The following CHIA variants were observed in gnomAD, a reference collection of about 807,000 sequenced individuals.
CHIA encodes the protein chitinase acidic.
In CHIA, 47 loss-of-function variants were observed where a neutral mutation model predicts 53.5. That is an observed-to-expected ratio of 0.88 (90% CI 0.70 to 1.12). The LOEUF is 1.12. CHIA is among the 50% of genes most tolerant of loss of function. CHIA has a pLI of 0.00. For synonymous variants in CHIA, 268 were observed against 222.2 expected, an observed-to-expected ratio of 1.21 and a Z score of -1.83; for missense variants, 652 against 592.2, an observed-to-expected ratio of 1.10 and a Z score of -1.05.
At chr1:111,298,205 G>A (rs1468799984) in intron 1 of CHIA, among the ~76,000 whole-genome samples, 3 of 152,130 alleles carry the variant, frequency 2.0e-5, no homozygotes, top group East Asian at 3.9e-4. Context: ...GGTTAACAAG[G>A]ATATCCAGGA....
At position 111,318,643 on chromosome 1, in the gene CHIA, T is replaced by C; in HGVS notation, c.880T>C (p.Tyr294His). Residue 294 changes from tyrosine (Y) to histidine (H), a missense_variant, in exon 9 of 12, where the codon TAT becomes CAT. Tyr to His is a moderately conservative substitution (Grantham distance 83). Coordinates refer to ENST00000369740, the MANE Select transcript of CHIA (RefSeq NM_201653.4). ...CTCTGGTGCTGGTCCTGCTGGGCCC[T>C]ATGCCAAGGAGTCTGGGATCTGGGC... is the stretch of plus-strand genomic sequence containing the variant. ...PTSGAGPAGP[Y>H]AKESGIWAYY... 6.2e-7 allele frequency: 1 copy of C among 1,614,156 alleles called. No individual in the cohort carries two copies. Among genetic ancestry groups the C allele is most frequent in the Non-Finnish European group, 8.5e-7 (1 of 1,179,988 alleles).
chr1:111,310,180 T>C (rs1478549074), intron 1 of CHIA, among the ~76,000 whole-genome samples: 1 of 152,200 alleles, frequency 6.6e-6, no homozygotes, highest in Non-Finnish European at 1.5e-5. Context: ...CCCTTGGAAC[T>C]GCCAAAAAAG....
chr1:111,311,217 G>A (rs531052866), intron 2 of CHIA, among the ~76,000 whole-genome samples: 89 of 152,288 alleles, frequency 5.8e-4, no homozygotes, highest in Non-Finnish European at 9.8e-4. Flanking sequence ...TCACCCCATA[G>A]TTCCTAGCTC....
At chr1:111,294,107 A>G (rs1472191003) in intron 1 of CHIA, among the ~76,000 whole-genome samples, 4 of 152,132 alleles carry the variant, frequency 2.6e-5, no homozygotes, top group African/African-American at 9.7e-5. Context: ...CAAAGAAAAC[A>G]TCACTGGGAT....
At chr1:111,313,881 G>A (rs934387232) in intron 4 of CHIA, among the ~76,000 whole-genome samples, 58 of 152,122 alleles carry the variant, frequency 3.8e-4, no homozygotes, top group Admixed American at 1.4e-3. Context: ...TGGCATTATC[G>A]TGAATACAGC....
rs1302631477 is a variant in CHIA at position 111,318,127 on chromosome 1, T to A, written c.729+18T>A. On this transcript the variant is annotated intron_variant, in intron 8 of 11. Transcript: ENST00000369740. ...TCAATGTGGTGAGTCCCTGTACAGA[T>A]GCAAGAGCAGACCAGAGATGATGAT... is the stretch of plus-strand genomic sequence containing the variant. 1.3e-6 allele frequency: 2 copies of A among 1,589,054 alleles called. No homozygotes were observed. The highest frequency in any genetic ancestry group is 2.7e-5 in the African/African-American group (2 of 74,342).
chr1:111,311,237 C>T (rs1157378003), intron 2 of CHIA, among the ~76,000 whole-genome samples: 2 of 152,170 alleles, frequency 1.3e-5, no homozygotes, highest in Non-Finnish European at 2.9e-5. Context: ...CTTCTCTCCT[C>T]ATATAAGGCC....
intron 1 of CHIA, among the ~76,000 whole-genome samples, chr1:111,298,397 T>G (rs1647393427): frequency 6.6e-6 from 1 of 152,204 alleles, no homozygotes; most frequent in Non-Finnish European, 1.5e-5. Context: ...AAACTGTCTC[T>G]AAGACCACAG....
chr1:111,310,066 A>C (rs1198198313), intron 1 of CHIA, among the ~76,000 whole-genome samples: 2 of 152,212 alleles, frequency 1.3e-5, no homozygotes, highest in Admixed American at 1.3e-4. Flanking sequence ...ATAACTTCCA[A>C]AGTTTCTTTT....
chr1:111,318,990 A>G, intron 9 of CHIA, 130 bp from the exon 10 acceptor site: 4 of 1,306,640 alleles, frequency 3.1e-6, no homozygotes, highest in Non-Finnish European at 4.1e-6. Flanking sequence ...CCTCTTTACT[A>G]CAAATAAAAA....
At position 111,291,694 on chromosome 1, in the gene CHIA, G is replaced by A. The variant is rs1331836537; in HGVS notation, c.-69+744G>A. On this transcript the variant is annotated intron_variant, in intron 1 of 11. Transcript: ENST00000369740. ...AAGTAAAATTTTTTTTAAAAAGGGG[G>A]GAAAAATATATAGCAAAATGCAACT... Among the ~76,000 whole-genome samples the A allele has an allele frequency of 3.3e-5, 5 of 151,412 alleles. No homozygotes were observed. In the South Asian group the frequency reaches 1.0e-3, roughly 31 times the overall value.
At chr1:111,291,765 A>T (rs994035847) in intron 1 of CHIA, among the ~76,000 whole-genome samples, 2 of 151,724 alleles carry the variant, frequency 1.3e-5, no homozygotes, top group East Asian at 1.9e-4. Flanking sequence ...TCTATATTTT[A>T]AAAATAATTG....
intron 1 of CHIA, among the ~76,000 whole-genome samples, chr1:111,291,537 C>T (rs974500906): frequency 3.1e-5 from 4 of 129,880 alleles, no homozygotes; most frequent in African/African-American, 6.2e-5. Context: ...GGGGGGAGAG[C>T]ATTAGGACAA....
In CHIA at chr1:111,317,821, T is replaced by C. The variant is rs748001848; in HGVS notation, c.605+16T>C. 1 of 1,613,814 alleles carries C rather than the reference T, an allele frequency of 6.2e-7. No individual in the cohort carries two copies. The highest frequency in any genetic ancestry group is 8.5e-7 in the Non-Finnish European group (1 of 1,179,984). ...AACTGTCACAGTGAGTGATGTGCCT[T>C]ATCTTCAAACTCCTGGAGGTGTCAC... On this transcript the variant is annotated intron_variant, in intron 7 of 11. Coordinates refer to ENST00000369740, the MANE Select transcript of CHIA (RefSeq NM_201653.4).
chr1:111,303,426 T>C (rs951731223), intron 1 of CHIA, among the ~76,000 whole-genome samples: 3 of 152,030 alleles, frequency 2.0e-5, no homozygotes, highest in African/African-American at 7.2e-5. Flanking sequence ...CACACACACA[T>C]ATACATCTAT....
Position 111,317,694 on chromosome 1 carries a change from C to T in CHIA, c.494C>T (p.Ala165Val). The T allele has an allele frequency of 6.2e-7, 1 of 1,614,148 alleles. No homozygotes were observed. ...ATTATTCTGTAGGAAATGCGTGAAG[C>T]TTTTGAGCAGGAGGCCAAGCAGATC... ...FTVLVQEMREAFEQEAKQINK... is the reference protein window; with the variant it reads ...FTVLVQEMREVFEQEAKQINK... Residue 165 changes from alanine (A) to valine (V), a missense_variant, in exon 7 of 12, where the codon GCT becomes GTT. By Grantham distance (64) the Ala-to-Val change is moderately conservative. Transcript: ENST00000369740.
chr1:111,320,496 CCAGT>C lies in CHIA; in HGVS notation c.*32_*35del. 6.3e-7 allele frequency: 1 copy of C among 1,599,156 alleles called. No individual in the cohort carries two copies. Among genetic ancestry groups the C allele is most frequent in the East Asian group, 2.2e-5 (1 of 44,556 alleles). On this transcript the variant is annotated 3_prime_UTR_variant, in exon 12 of 12. Coordinates refer to ENST00000369740, the MANE Select transcript of CHIA (RefSeq NM_201653.4). ...GACCTGGTCTATATTCCCTAGAGTT[CCAGT>C]CTCTTTTGCTTAGGACATGTTGCCC...
At chr1:111,300,088 A>G (rs1378893105) in intron 1 of CHIA, among the ~76,000 whole-genome samples, 1 of 152,192 alleles carries the variant, frequency 6.6e-6, no homozygotes, top group African/African-American at 2.4e-5. Context: ...AAGAGGACAC[A>G]AACAAATGGA....
Position 111,320,562 on chromosome 1 carries a change from C to A in CHIA, c.*96C>A. On this transcript the variant is annotated 3_prime_UTR_variant, in exon 12 of 12. Coordinates refer to ENST00000369740, the MANE Select transcript of CHIA (RefSeq NM_201653.4). ...CCTGCAATAAAATCAGCAGTCAAAA[C>A]ATGACTGTCCTTGCTTTTAAGTGAT... The A allele has an allele frequency of 1.7e-6, 2 of 1,174,306 alleles. No homozygotes were observed. The highest frequency in any genetic ancestry group is 2.5e-6 in the Non-Finnish European group (2 of 804,484). The allele number at this position is 1,174,306 out of a possible 1,614,324, so 72.7% of individuals were successfully genotyped here.
Sources: gnomAD v4.1 joint callset for allele counts (sites outside exome capture counted in the v4.1 genomes callset) on GRCh38, gnomAD v4.1.1 for gene constraint, MANE v1.5 for transcripts, NCBI Gene and HGNC (gene_info 2026-07-23, HGNC 2026-07-21) for gene names.